Variants in FRMD3 observed in about 807,000 individuals in gnomAD.
The protein encoded by FRMD3 is FERM domain-containing protein 3.
Under a neutral mutation model 70.2 loss-of-function variants are expected in FRMD3, and 33 were observed. The ratio of observed to expected loss-of-function variants is 0.47; its 90% CI spans 0.36 to 0.63. The LOEUF (loss-of-function observed/expected upper bound fraction) is 0.63, where lower values mean the gene tolerates loss of function less well. Among genes scored for constraint, FRMD3 ranks in the 20% least tolerant of loss-of-function variants. The probability of loss-of-function intolerance (pLI) is 0.00; values close to 1 mark genes in which losing one functional copy is unlikely to be tolerated. For synonymous variants in FRMD3, 279 were observed against 255.9 expected (o/e 1.09, Z -0.86); for missense variants, 632 against 711.4 (o/e 0.89, Z 1.27).
intron 13 of FRMD3, among the ~76,000 whole-genome samples, chr9:83,278,710 C>G (rs1833871993): frequency 6.6e-6 from 1 of 152,124 alleles, no homozygotes; most frequent in African/African-American, 2.4e-5. Flanking sequence ...CGTCCCCAGC[C>G]ACAGGGTCAG....
chr9:83,562,902 A>C, the FRMD3 span, among the ~76,000 whole-genome samples: 1 of 148,454 alleles, frequency 6.7e-6, no homozygotes, highest in South Asian at 2.2e-4. Context: ...CCCCCCCCCC[A>C]GCACAGAGTT....
At chr9:83,373,377 C>T (rs756011742) in intron 2 of FRMD3, among the ~76,000 whole-genome samples, 15 of 152,176 alleles carry the variant, frequency 9.9e-5, no homozygotes, top group East Asian at 3.9e-4. Context: ...GTCCTGCTTC[C>T]GGGACAAATT....
intron 13 of FRMD3, among the ~76,000 whole-genome samples, chr9:83,256,325 A>G (rs1832708053): frequency 6.6e-6 from 1 of 152,214 alleles, no homozygotes; most frequent in African/African-American, 2.4e-5. Context: ...CATATGCAGA[A>G]AATTGGAATG....
chr9:83,371,743 T>C lies in FRMD3; in HGVS notation c.295+1170A>G, dbSNP rs1564042164. On this transcript the variant is annotated intron_variant, in intron 3 of 13. Coordinates refer to ENST00000304195, the MANE Select transcript of FRMD3 (RefSeq NM_174938.6). ...TCCCTGGACTTTCCACACCCACTGC[T>C]GCACTTGTGCAATCTGAACCATCCT... Among the ~76,000 whole-genome samples, 3 of 152,312 alleles carry C rather than the reference T, an allele frequency of 2.0e-5. No homozygotes were observed. The East Asian group carries it at 5.8e-4, about 29-fold the overall frequency.
chr9:83,349,354 C>G (rs956585127), intron 4 of FRMD3, among the ~76,000 whole-genome samples: 20 of 152,206 alleles, frequency 1.3e-4, no homozygotes, highest in African/African-American at 4.6e-4. Flanking sequence ...AGGGACTGTA[C>G]TGGGTATGAA....
chr9:83,369,532 A>G (rs1391240643), intron 3 of FRMD3, among the ~76,000 whole-genome samples: 3 of 151,886 alleles, frequency 2.0e-5, no homozygotes, highest in Non-Finnish European at 4.4e-5. Context: ...AGCCAAGATC[A>G]CAAGATGGCA....
chr9:83,450,867 C>T (rs1233761914), intron 1 of FRMD3, among the ~76,000 whole-genome samples: 1 of 152,198 alleles, frequency 6.6e-6, no homozygotes, highest in East Asian at 1.9e-4. Flanking sequence ...GTGTGAGAAA[C>T]ACACTATTCC....
chr9:83,569,283 A>G, the FRMD3 span, among the ~76,000 whole-genome samples: 1 of 152,242 alleles, frequency 6.6e-6, no homozygotes, highest in Non-Finnish European at 1.5e-5. Context: ...CATACCATCT[A>G]CTTAAGGAAG....
the FRMD3 span, among the ~76,000 whole-genome samples, chr9:83,548,138 C>G: frequency 5.3e-5 from 8 of 152,294 alleles, no homozygotes; most frequent in Non-Finnish European, 1.0e-4. Context: ...TAAAATGGTA[C>G]AGCCACTTTG....
chr9:83,494,079 C>G (rs1046857130), intron 1 of FRMD3, among the ~76,000 whole-genome samples: 2 of 152,198 alleles, frequency 1.3e-5, no homozygotes, highest in East Asian at 1.9e-4. Flanking sequence ...TAGCCTCCTC[C>G]GTAGAAGAAT....
chr9:83,316,531 G>A (rs1000412554), intron 6 of FRMD3, among the ~76,000 whole-genome samples: 13 of 152,072 alleles, frequency 8.5e-5, no homozygotes, highest in African/African-American at 3.1e-4. Flanking sequence ...AGTCAAATTT[G>A]TGCTTTAGAA....
intron 6 of FRMD3, among the ~76,000 whole-genome samples, chr9:83,331,071 T>C (rs1157231267): frequency 6.6e-6 from 1 of 152,206 alleles, no homozygotes; most frequent in Non-Finnish European, 1.5e-5. Flanking sequence ...AACATACTCT[T>C]ACCATATGAT....
At chr9:83,547,152 T>A in the FRMD3 span, among the ~76,000 whole-genome samples, 22 of 150,034 alleles carry the variant, frequency 1.5e-4, no homozygotes, top group African/African-American at 5.4e-4. Flanking sequence ...CAACTTTAAA[T>A]CAATATTTTA....
chr9:83,366,147 G>C (rs928876770), intron 3 of FRMD3, among the ~76,000 whole-genome samples: 2 of 152,046 alleles, frequency 1.3e-5, no homozygotes, highest in African/African-American at 4.8e-5. Flanking sequence ...ATGCCATTCT[G>C]GGGTGGAGAG....
chr9:83,245,155 T>C lies in FRMD3; in HGVS notation c.*2763A>G, dbSNP rs897175764. 1.0e-6 allele frequency: 1 copy of C among 985,192 alleles called. No individual in the cohort carries two copies. Among genetic ancestry groups the C allele is most frequent in the African/African-American group, 1.7e-5 (1 of 57,238 alleles). 61.0% of individuals were successfully genotyped at this position (985,192 alleles called of 1,614,324 possible). ...TAAGCACAATTATGCATGAGGGGCA[T>C]ATATGTTGTGTCTATTCAAAGACAC... On this transcript the variant is annotated 3_prime_UTR_variant, in exon 14 of 14. Coordinates refer to ENST00000304195, the MANE Select transcript of FRMD3 (RefSeq NM_174938.6).
At chr9:83,504,602 C>G (rs991407264) in intron 1 of FRMD3, among the ~76,000 whole-genome samples, 1 of 152,014 alleles carries the variant, frequency 6.6e-6, no homozygotes, top group African/African-American at 2.4e-5. Context: ...TGACTTCCCC[C>G]CCCACCACTT....
intron 1 of FRMD3, among the ~76,000 whole-genome samples, chr9:83,448,139 T>C (rs1827535102): frequency 6.6e-6 from 1 of 152,180 alleles, no homozygotes; most frequent in Non-Finnish European, 1.5e-5. Context: ...ATTTCAACAT[T>C]ACTTCCCCTG....
chr9:83,333,914 G>A (rs1823481688), intron 6 of FRMD3, among the ~76,000 whole-genome samples: 2 of 151,986 alleles, frequency 1.3e-5, no homozygotes, highest in Admixed American at 1.3e-4. Flanking sequence ...ATAGAGTTTG[G>A]GAGAACTGAG....
At chr9:83,268,024 T>C (rs1377056734) in intron 13 of FRMD3, among the ~76,000 whole-genome samples, 1 of 152,190 alleles carries the variant, frequency 6.6e-6, no homozygotes, top group East Asian at 1.9e-4. Flanking sequence ...ATCACGAAGT[T>C]AGTAAGTGGC....
Sources: gnomAD v4.1 joint callset for allele counts (sites outside exome capture counted in the v4.1 genomes callset) on GRCh38, gnomAD v4.1.1 for gene constraint, MANE v1.5 for transcripts, NCBI Gene and HGNC (gene_info 2026-07-23, HGNC 2026-07-21) for gene names.